The following RGS6 variants were observed in gnomAD, a reference collection of about 807,000 sequenced individuals.
RGS6 encodes regulator of G-protein signaling 6.
RGS6 carries 30 observed loss-of-function variants against 78.5 expected under a neutral mutation model. The observed-to-expected ratio is 0.38, with a 90% CI of 0.29 to 0.52. The LOEUF (loss-of-function observed/expected upper bound fraction) is 0.52, where lower values mean the gene tolerates loss of function less well. Ranked by LOEUF, RGS6 falls within the 20% of genes least tolerant of loss-of-function variation. The probability of loss-of-function intolerance (pLI) is 0.85; values close to 1 mark genes in which losing one functional copy is unlikely to be tolerated. For missense variants in RGS6, 495 were observed against 609.7 expected (o/e 0.81, Z 1.98); for synonymous variants, 206 against 206.0 (o/e 1.00, Z 0.00).
chr14:72,373,695 T>C (rs2083992688), intron 3 of RGS6, among the ~76,000 whole-genome samples: 1 of 152,172 alleles, frequency 6.6e-6, no homozygotes, highest in South Asian at 2.1e-4. Flanking sequence ...TGGCTATTAA[T>C]AGGTGAAAGA....
At chr14:72,155,101 T>A (rs2096751629) in intron 2 of RGS6, among the ~76,000 whole-genome samples, 2 of 152,218 alleles carry the variant, frequency 1.3e-5, no homozygotes, top group Admixed American at 1.3e-4. Context: ...AGAAAAAATG[T>A]ATCATTCCCT....
chr14:72,362,993 A>G (rs1049624200), intron 3 of RGS6, among the ~76,000 whole-genome samples: 5 of 152,242 alleles, frequency 3.3e-5, no homozygotes, highest in African/African-American at 9.6e-5. Flanking sequence ...TTCAGTAAGT[A>G]TAAGCTTGTT....
At chr14:72,508,172 GC>G (rs754958461) in intron 13 of RGS6, among the ~76,000 whole-genome samples, 9 of 152,160 alleles carry the variant, frequency 5.9e-5, no homozygotes, top group Non-Finnish European at 1.3e-4. Flanking sequence ...ATGCAGAGTT[GC>G]AAGCCAGAGG....
chr14:72,220,116 T>C (rs1012755843), intron 2 of RGS6, among the ~76,000 whole-genome samples: 5 of 152,156 alleles, frequency 3.3e-5, no homozygotes, highest in African/African-American at 1.2e-4. Flanking sequence ...AAATCAAGAA[T>C]GCAATCCCAT....
intron 1 of RGS6, among the ~76,000 whole-genome samples, chr14:71,943,082 G>T (rs1445937376): frequency 6.6e-6 from 1 of 152,122 alleles, no homozygotes; most frequent in Non-Finnish European, 1.5e-5. Context: ...GAGGTCCCCT[G>T]CATGAATGAG....
intron 12 of RGS6, among the ~76,000 whole-genome samples, chr14:72,481,805 C>CT (rs34462310): frequency 0.016 from 1,958 of 120,060 alleles, 40 homozygotes; most frequent in African/African-American, 0.032. Context: ...TTTATTTTAA[C>CT]TTTTTTTTTT....
At chr14:72,490,927 A>T (rs77282977) in intron 12 of RGS6, among the ~76,000 whole-genome samples, 2,770 of 152,326 alleles carry the variant, frequency 0.018, 74 homozygotes, top group East Asian at 0.093. Context: ...CCTATTAAAA[A>T]GCAGAATCTG....
intron 2 of RGS6, among the ~76,000 whole-genome samples, chr14:72,107,137 CT>C (rs2095650311): frequency 1.3e-5 from 2 of 151,982 alleles, no homozygotes; most frequent in Admixed American, 1.3e-4. Context: ...AGATTTCACA[CT>C]TGAAAAGCCG....
intron 1 of RGS6, among the ~76,000 whole-genome samples, chr14:71,937,038 G>GTAAAA (rs1381553606): frequency 6.6e-6 from 1 of 152,050 alleles, no homozygotes; most frequent in African/African-American, 2.4e-5. Flanking sequence ...TTAATCACAG[G>GTAAAA]GCATGGTAAT....
intron 17 of RGS6, among the ~76,000 whole-genome samples, chr14:72,559,351 G>A (rs1431903585): frequency 1.3e-5 from 2 of 152,246 alleles, no homozygotes; most frequent in Non-Finnish European, 2.9e-5. Context: ...AAGGGAAGCA[G>A]CTGCTGAGCA....
At chr14:72,070,855 T>C (rs1354915732) in intron 2 of RGS6, among the ~76,000 whole-genome samples, 1 of 152,252 alleles carries the variant, frequency 6.6e-6, no homozygotes, top group Admixed American at 6.5e-5. Flanking sequence ...TGTATGTATG[T>C]ATGCATGTGT....
chr14:72,196,552 C>A (rs1186117444), intron 2 of RGS6, among the ~76,000 whole-genome samples: 1 of 152,108 alleles, frequency 6.6e-6, no homozygotes, highest in African/African-American at 2.4e-5. Context: ...TCTTGACATC[C>A]GATTTTCTCC....
chr14:72,211,607 C>T (rs763375750), intron 2 of RGS6, among the ~76,000 whole-genome samples: 3 of 152,016 alleles, frequency 2.0e-5, no homozygotes, highest in African/African-American at 7.3e-5. Context: ...GACAGAAGTC[C>T]GGTAACAAGA....
chr14:72,016,548 G>A (rs1432551331), intron 2 of RGS6, among the ~76,000 whole-genome samples: 1 of 152,020 alleles, frequency 6.6e-6, no homozygotes, highest in East Asian at 1.9e-4. Context: ...TGTATTTTTA[G>A]TAGAGATGGG....
In RGS6 at chr14:72,142,457, G is replaced by A. The variant is rs138950087; in HGVS notation, c.84+177582G>A. On this transcript the variant is annotated intron_variant, in intron 2 of 17. Coordinates refer to ENST00000553525, the MANE Select transcript of RGS6 (RefSeq NM_001204424.2). ...GTCCCCTTCTCTGCGTCATTGCTTCGCCAGGCCTGCATGAAAATCACTCAG... is the reference window on the plus strand; with the variant it reads ...GTCCCCTTCTCTGCGTCATTGCTTCACCAGGCCTGCATGAAAATCACTCAG... 1.5e-4 allele frequency among the ~76,000 whole-genome samples: 23 copies of A among 152,216 alleles called. No homozygotes were observed. The East Asian group carries it at 1.7e-3, about 11-fold the overall frequency.
rs142737898 is a variant in RGS6, at chr14:72,412,126, G to A, written c.185-42402G>A. Among the ~76,000 whole-genome samples, 354 of 152,258 alleles carry A rather than the reference G, an allele frequency of 2.3e-3. 4 individuals are homozygous for A. The highest frequency in any genetic ancestry group is 8.2e-3 in the African/African-American group (342 of 41,552). On this transcript the variant is annotated intron_variant, in intron 3 of 17. Coordinates refer to ENST00000553525, the MANE Select transcript of RGS6 (RefSeq NM_001204424.2). ...TCCGTCTTTTTCTATTGACTGGAATGGTTTCAGAAGGAATGGTACCAGCTC... is the reference window on the plus strand; with the variant it reads ...TCCGTCTTTTTCTATTGACTGGAATAGTTTCAGAAGGAATGGTACCAGCTC...
chr14:72,216,350 G>A (rs769146809), intron 2 of RGS6, among the ~76,000 whole-genome samples: 6 of 152,168 alleles, frequency 3.9e-5, no homozygotes, highest in Non-Finnish European at 8.8e-5. Context: ...AAGATGTCAC[G>A]GGACCTCAGG....
intron 2 of RGS6, among the ~76,000 whole-genome samples, chr14:72,128,774 C>T (rs999685907): frequency 5.3e-5 from 8 of 152,138 alleles, no homozygotes; most frequent in African/African-American, 1.4e-4. Flanking sequence ...AAGTAGAAAA[C>T]GCCTGCCTGG....
chr14:72,582,286 G>A, the RGS6 span, among the ~76,000 whole-genome samples: 4 of 152,134 alleles, frequency 2.6e-5, no homozygotes, highest in Non-Finnish European at 5.9e-5. Flanking sequence ...CTATTACAGT[G>A]TATTAATCCG....
Sources: gnomAD v4.1 joint callset for allele counts (sites outside exome capture counted in the v4.1 genomes callset) on GRCh38, gnomAD v4.1.1 for gene constraint, MANE v1.5 for transcripts, NCBI Gene and HGNC (gene_info 2026-07-23, HGNC 2026-07-21) for gene names.